GLMN: variants seen among roughly 807,000 people sequenced by gnomAD.
The protein encoded by GLMN is glomulin.
Under a neutral mutation model 87.8 loss-of-function variants are expected in GLMN, and 75 were observed. That is an observed-to-expected ratio of 0.85 (90% CI 0.71 to 1.04). GLMN has a LOEUF of 1.04. GLMN is among the 50% of genes least tolerant of loss of function. GLMN has a pLI of 0.00. For missense variants in GLMN, 588 were observed against 658.8 expected, an observed-to-expected ratio of 0.89 and a Z score of 1.18; for synonymous variants, 206 against 221.6, an observed-to-expected ratio of 0.93 and a Z score of 0.63.
the GLMN span, among the ~76,000 whole-genome samples, chr1:92,307,927 T>C: frequency 6.6e-6 from 1 of 152,198 alleles, no homozygotes. Flanking sequence ...AATGAAATGC[T>C]TAATGAGATA....
chr1:92,269,809 TACAC>T (rs375123476), intron 8 of GLMN, 33 bp from the exon 9 acceptor site: 26 of 1,271,014 alleles, frequency 2.0e-5, no homozygotes, highest in African/African-American at 2.9e-5. Context: ...ATATATATTA[TACAC>T]ACACACAGAG....
At chr1:92,246,756 TACAGTGGTTTGC>T in intron 18 of GLMN, 110 bp from the exon 19 acceptor site, 1 of 737,366 alleles carries the variant, frequency 1.4e-6, no homozygotes, top group Non-Finnish European at 2.5e-6. Flanking sequence ...TAAGACCAGG[TACAGTGGTTTGC>T]ACCTGTAATT....
chr1:92,291,588 C>G, intron 3 of GLMN, 51 bp from the exon 4 acceptor site: 1 of 1,584,114 alleles, frequency 6.3e-7, no homozygotes. Context: ...ATAGGACTCT[C>G]GCAGTGTGCT....
At chr1:92,323,150 A>G in the GLMN span, among the ~76,000 whole-genome samples, 1 of 149,478 alleles carries the variant, frequency 6.7e-6, no homozygotes, top group Non-Finnish European at 1.5e-5. Flanking sequence ...AGTTTTTTAA[A>G]AAGTTTTGCT....
At chr1:92,255,408 C>G (rs1016260448) in intron 16 of GLMN, among the ~76,000 whole-genome samples, 2 of 152,248 alleles carry the variant, frequency 1.3e-5, no homozygotes, top group Admixed American at 1.3e-4. Flanking sequence ...CCAAGCAGAC[C>G]TAACAGACAT....
chr1:92,344,403 TA>T, the GLMN span, among the ~76,000 whole-genome samples: 1 of 152,206 alleles, frequency 6.6e-6, no homozygotes, highest in South Asian at 2.1e-4. Flanking sequence ...AGACTCTGTC[TA>T]AAAAAAGAAA....
At chr1:92,266,627 A>G (rs777697093) in intron 12 of GLMN, 73 bp downstream of exon 12, 27 of 1,268,822 alleles carry the variant, frequency 2.1e-5, no homozygotes, top group Non-Finnish European at 3.0e-5. Context: ...AAATTTTTAA[A>G]AAGAAAATTA....
rs150047688 is a variant in GLMN at position 92,290,115 on chromosome 1, G to A, written c.394+83C>T. 3.2e-4 allele frequency: 256 copies of A among 808,560 alleles called. No homozygotes were observed. The African/African-American group carries it at 3.7e-3, about 12-fold the overall frequency. The allele number at this position is 808,560 out of a possible 1,614,324, so 50.1% of individuals were successfully genotyped here. ...ACTAATTAGCTGTAAACTTTACTTT[G>A]GTGTAGTATTGACATTTTGAGGTAA... On this transcript the variant is annotated intron_variant, in intron 5 of 18. Transcript: ENST00000370360.
intron 16 of GLMN, among the ~76,000 whole-genome samples, chr1:92,256,336 T>A (rs1186390752): frequency 1.3e-5 from 2 of 150,530 alleles, no homozygotes; most frequent in African/African-American, 4.9e-5. Flanking sequence ...AAAGAGGAGG[T>A]GGTACCATTC....
chr1:92,286,081 A>G (rs949936217), intron 7 of GLMN, among the ~76,000 whole-genome samples: 13 of 152,004 alleles, frequency 8.6e-5, no homozygotes, highest in Non-Finnish European at 1.9e-4. Flanking sequence ...TTGTCCTACA[A>G]TAATGGAAAA....
At chr1:92,251,491 T>C (rs1219418421) in intron 16 of GLMN, among the ~76,000 whole-genome samples, 1 of 152,130 alleles carries the variant, frequency 6.6e-6, no homozygotes, top group Non-Finnish European at 1.5e-5. Context: ...CCTAAAACTA[T>C]ACAATTTCTA....
intron 7 of GLMN, among the ~76,000 whole-genome samples, chr1:92,276,997 G>A (rs748735926): frequency 2.6e-5 from 4 of 152,086 alleles, no homozygotes; most frequent in Non-Finnish European, 5.9e-5. Context: ...TCTATCTCAA[G>A]TATTGGCACC....
At chr1:92,322,719 A>G in the GLMN span, among the ~76,000 whole-genome samples, 67 of 151,594 alleles carry the variant, frequency 4.4e-4, 1 homozygote, top group African/African-American at 1.5e-3. Flanking sequence ...TACTAAAAAA[A>G]TACAAAAATT....
the GLMN span, among the ~76,000 whole-genome samples, chr1:92,362,633 A>C: frequency 6.6e-6 from 1 of 152,228 alleles, no homozygotes; most frequent in Non-Finnish European, 1.5e-5. Flanking sequence ...AACTGCTCAA[A>C]ACTGCTTGGT....
the GLMN span, among the ~76,000 whole-genome samples, chr1:92,368,890 A>G: frequency 6.6e-6 from 1 of 152,168 alleles, no homozygotes; most frequent in Admixed American, 6.6e-5. Flanking sequence ...CACTTACCAT[A>G]TGGTAAAGAA....
the GLMN span, among the ~76,000 whole-genome samples, chr1:92,308,444 A>G: frequency 6.6e-6 from 1 of 152,156 alleles, no homozygotes; most frequent in Non-Finnish European, 1.5e-5. Flanking sequence ...GTACTTCCCC[A>G]GTCCTCTGAG....
rs1334866921 is a variant in GLMN, at chr1:92,286,536, T to G, written c.689A>C (p.Glu230Ala). Residue 230 changes from glutamate to alanine, a missense_variant, in exon 7 of 19, where the codon GAA (glutamate) becomes GCA (alanine). By Grantham distance (107) the Glu-to-Ala change is moderately radical. Coordinates refer to ENST00000370360, the MANE Select transcript of GLMN (RefSeq NM_053274.3). ...CCTGAAAGGATCATTTCCACCTTCT[T>G]CAGACTGTTCAAAGAATTGTGCTGT... ...LLTAQFFEQS[E>A]EGGNDPFRYF... is the part of the protein sequence containing the mutation. The G allele has an allele frequency of 6.2e-7, 1 of 1,607,006 alleles. No individual in the cohort carries two copies. Among genetic ancestry groups the G allele is most frequent in the Non-Finnish European group, 8.5e-7 (1 of 1,173,748 alleles).
the GLMN span, among the ~76,000 whole-genome samples, chr1:92,330,017 C>G: frequency 6.6e-6 from 1 of 152,128 alleles, no homozygotes; most frequent in South Asian, 2.1e-4. Context: ...CCCTAGACCT[C>G]AAGGAAAAAG....
chr1:92,302,810 C>T (rs559275156), upstream of GLMN, among the ~76,000 whole-genome samples: 1 of 151,890 alleles, frequency 6.6e-6, no homozygotes, highest in South Asian at 2.1e-4. Flanking sequence ...CTGTGTTAGC[C>T]AGGATGGTCT....
Sources: allele counts gnomAD v4.1 joint callset (sites outside exome capture counted in the v4.1 genomes callset), GRCh38; gene constraint gnomAD v4.1.1; transcripts MANE v1.5; gene names NCBI Gene and HGNC (gene_info 2026-07-23, HGNC 2026-07-21).